Variants in CDYL2 observed in about 807,000 individuals in gnomAD.
CDYL2 encodes the protein chromodomain Y like 2.
CDYL2 carries 23 observed loss-of-function variants against 49.4 expected under a neutral mutation model. The ratio of observed to expected loss-of-function variants is 0.47; its 90% confidence interval spans 0.34 to 0.66. CDYL2 has a LOEUF of 0.66. Among genes scored for constraint, CDYL2 ranks in the 30% least tolerant of loss-of-function variants. The pLI is 0.01. For missense variants in CDYL2, 678 were observed against 656.4 expected, an observed-to-expected ratio of 1.03 and a Z score of -0.36; for synonymous variants, 360 against 268.8, an observed-to-expected ratio of 1.34 and a Z score of -3.32.
At chr16:80,760,879 G>A (rs117042325) in intron 1 of CDYL2, among the ~76,000 whole-genome samples, 3,773 of 152,084 alleles carry the variant, frequency 0.025, 89 homozygotes, top group Non-Finnish European at 0.044. Flanking sequence ...TCACCCTGAT[G>A]TTGAGCTGTC....
At chr16:80,669,589 C>T (rs561250067) in intron 2 of CDYL2, among the ~76,000 whole-genome samples, 2 of 152,226 alleles carry the variant, frequency 1.3e-5, no homozygotes, top group South Asian at 2.1e-4. Flanking sequence ...CTCCCTCAGC[C>T]GGGGGATGCC....
At chr16:80,713,132 C>T (rs569423896) in intron 1 of CDYL2, among the ~76,000 whole-genome samples, 68 of 152,346 alleles carry the variant, frequency 4.5e-4, no homozygotes, top group Non-Finnish European at 7.8e-4. Context: ...GGCCCATGAT[C>T]TGCTGCAGTC....
At chr16:80,759,870 G>A (rs1284153703) in intron 1 of CDYL2, among the ~76,000 whole-genome samples, 1 of 143,970 alleles carries the variant, frequency 6.9e-6, no homozygotes, top group South Asian at 2.1e-4. Context: ...TGGGGAAAGA[G>A]CTTGAACTGT....
chr16:80,691,729 T>C (rs1910423280), intron 1 of CDYL2, among the ~76,000 whole-genome samples: 1 of 152,180 alleles, frequency 6.6e-6, no homozygotes, highest in Non-Finnish European at 1.5e-5. Flanking sequence ...ATAGTATTTG[T>C]GGTGTGTCTT....
At chr16:80,720,409 C>A (rs1311669246) in intron 1 of CDYL2, among the ~76,000 whole-genome samples, 1 of 152,176 alleles carries the variant, frequency 6.6e-6, no homozygotes, top group East Asian at 1.9e-4. Flanking sequence ...ATCCAATGAC[C>A]AGGTAGAGCA....
intron 1 of CDYL2, 63 bp from the exon 2 acceptor site, chr16:80,685,192 G>T: frequency 7.7e-7 from 1 of 1,295,576 alleles, no homozygotes; most frequent in Non-Finnish European, 1.1e-6. Flanking sequence ...TCAGTTCGAG[G>T]CAACAAGAAC....
chr16:80,776,045 C>A (rs1430179629), intron 1 of CDYL2, among the ~76,000 whole-genome samples: 1 of 151,462 alleles, frequency 6.6e-6, no homozygotes, highest in African/African-American at 2.4e-5. Flanking sequence ...TTATATGCAA[C>A]AAAAAAACAA....
At chr16:80,608,377 A>G in intron 5 of CDYL2, 142 bp from the exon 6 acceptor site, 1 of 929,188 alleles carries the variant, frequency 1.1e-6, no homozygotes, top group Non-Finnish European at 1.6e-6. Flanking sequence ...TTGGGGTCAG[A>G]TAAGCTTTGG....
chr16:80,668,212 G>C (rs551808037), intron 2 of CDYL2, among the ~76,000 whole-genome samples: 1 of 152,330 alleles, frequency 6.6e-6, no homozygotes, highest in African/African-American at 2.4e-5. Context: ...CTCAGAAAGA[G>C]TTCCAAGACA....
chr16:80,684,666 G>A lies in CDYL2; in HGVS notation c.488C>T (p.Ser163Phe), dbSNP rs373621157. ...TCCAAAGTGCCTCTCATCCTTCTCA[G>A]AGCCGGCGTCCCCATTTTCCATCCC... is the stretch of plus-strand genomic sequence containing the variant. Reference protein sequence around the residue: ...QNGMENGDAGSEKDERHFGNG... With the variant: ...QNGMENGDAGFEKDERHFGNG... Residue 163 changes from serine to phenylalanine, a missense_variant, in exon 2 of 7, where the codon TCT becomes TTT. By Grantham distance (155) the Ser-to-Phe change is radical (BLOSUM62 -2). Around this residue, in one of 3 missense-constraint regions of CDYL2, gnomAD observed 478 missense variants for 427.0 expected, o/e 1.12. Coordinates refer to ENST00000570137, the MANE Select transcript of CDYL2 (RefSeq NM_152342.4). The A allele has an allele frequency of 1.4e-5, 23 of 1,614,184 alleles. No individual in the cohort carries two copies. In the African/African-American group the frequency reaches 3.1e-4, roughly 22 times the overall value.
At chr16:80,683,233 G>C (rs532587043) in intron 2 of CDYL2, among the ~76,000 whole-genome samples, 2 of 152,360 alleles carry the variant, frequency 1.3e-5, no homozygotes, top group Admixed American at 1.3e-4. Context: ...GGCAATGGTT[G>C]TCCACACTCC....
At chr16:80,668,124 C>T (rs894684308) in intron 2 of CDYL2, among the ~76,000 whole-genome samples, 3 of 152,256 alleles carry the variant, frequency 2.0e-5, no homozygotes, top group South Asian at 4.1e-4. Flanking sequence ...AGATGGCCAT[C>T]ACAGAGGAAC....
At chr16:80,609,667 T>G (rs1906507198) in intron 5 of CDYL2, among the ~76,000 whole-genome samples, 1 of 152,184 alleles carries the variant, frequency 6.6e-6, no homozygotes, top group Admixed American at 6.5e-5. Flanking sequence ...AGCTACTCCC[T>G]GGCAGGTGTG....
In CDYL2 at chr16:80,648,270, G is replaced by GA. The variant is rs376770336; in HGVS notation, c.617-15035dup. On this transcript the variant is annotated intron_variant, in intron 2 of 6. Coordinates refer to ENST00000570137, the MANE Select transcript of CDYL2 (RefSeq NM_152342.4). ...ATTGACAAACATTTAGCCAGACTAA[G>GA]AAAAACAGAGAGAAGACCCAAATTA... is the stretch of plus-strand genomic sequence containing the variant. Among the ~76,000 whole-genome samples, 481 of 152,084 alleles carry GA rather than the reference G, an allele frequency of 3.2e-3. 1 individual carries two copies. The highest frequency in any genetic ancestry group is 0.014 in the Middle Eastern group (4 of 294).
chr16:80,647,220 A>C (rs1908389438), intron 2 of CDYL2, among the ~76,000 whole-genome samples: 1 of 152,216 alleles, frequency 6.6e-6, no homozygotes, highest in Non-Finnish European at 1.5e-5. Flanking sequence ...GATGCCAAAA[A>C]CTGGAAAGAT....
chr16:80,711,601 T>G (rs1454955065), intron 1 of CDYL2, among the ~76,000 whole-genome samples: 3 of 152,220 alleles, frequency 2.0e-5, no homozygotes, highest in Non-Finnish European at 4.4e-5. Flanking sequence ...AGCTACATGC[T>G]GTGTGACCCA....
chr16:80,709,997 G>A (rs564173094), intron 1 of CDYL2, among the ~76,000 whole-genome samples: 6 of 150,970 alleles, frequency 4.0e-5, no homozygotes, highest in East Asian at 1.9e-4. Context: ...GTGCTATCTC[G>A]GCTCACTGCA....
chr16:80,608,274 G>A, intron 5 of CDYL2, 39 bp from the exon 6 acceptor site: 1 of 1,524,252 alleles, frequency 6.6e-7, no homozygotes, highest in Non-Finnish European at 8.8e-7. Flanking sequence ...AGGGCCTGGA[G>A]GTCCACCCAT....
chr16:80,660,986 G>C (rs577209748), intron 2 of CDYL2, among the ~76,000 whole-genome samples: 4 of 152,182 alleles, frequency 2.6e-5, no homozygotes, highest in African/African-American at 9.6e-5. Context: ...AGGAAGTGGA[G>C]GGCTGGGGTT....
Sources: allele counts gnomAD v4.1 joint callset (sites outside exome capture counted in the v4.1 genomes callset), GRCh38; gene constraint gnomAD v4.1.1; regional missense constraint gnomAD v4.1.1; transcripts MANE v1.5; gene names NCBI Gene and HGNC (gene_info 2026-07-23, HGNC 2026-07-21).